SDC2: variants seen among roughly 807,000 people sequenced by gnomAD.
SDC2 encodes the protein syndecan 2, also known as syndecan-2.
In SDC2, 13 loss-of-function variants were observed where a neutral mutation model predicts 22.2. The observed-to-expected ratio is 0.59, with a 90% CI of 0.38 to 0.93. SDC2 has a LOEUF of 0.93. Ranked by LOEUF, SDC2 falls within the 40% of genes least tolerant of loss-of-function variation. The pLI, the probability that SDC2 is intolerant of heterozygous loss-of-function variation, is 0.00. For missense variants in SDC2, 235 were observed against 246.8 expected (o/e 0.95, Z 0.32); for synonymous variants, 94 against 92.8 (o/e 1.01, Z -0.07).
At chr8:96,571,999 T>C (rs1186677974) in intron 1 of SDC2, among the ~76,000 whole-genome samples, 1 of 151,962 alleles carries the variant, frequency 6.6e-6, no homozygotes, top group African/African-American at 2.4e-5. Context: ...TAGGGAAGGG[T>C]TGTTAGGAAG....
In SDC2 at chr8:96,494,262, C is replaced by T. The variant is rs1425918158; in HGVS notation, c.-10C>T. The T allele has an allele frequency of 5.2e-6, 8 of 1,544,204 alleles. No individual in the cohort carries two copies. Among genetic ancestry groups the T allele is most frequent in the East Asian group, 2.4e-5 (1 of 41,046 alleles). On this transcript the variant is annotated 5_prime_UTR_variant, in exon 1 of 5. Coordinates refer to ENST00000302190, the MANE Select transcript of SDC2 (RefSeq NM_002998.4). ...AAGCAGCGGCTGGGAGCAGCCGGTC[C>T]CTGGGGAATATGCGGCGCGCGTGGA...
chr8:96,514,134 G>T (rs1813368536), intron 1 of SDC2, among the ~76,000 whole-genome samples: 3 of 152,160 alleles, frequency 2.0e-5, no homozygotes, highest in African/African-American at 7.2e-5. Context: ...ATCTCTATTT[G>T]CCAAAGTTAG....
chr8:96,588,626 A>G (rs911594306), intron 1 of SDC2, among the ~76,000 whole-genome samples: 2 of 152,170 alleles, frequency 1.3e-5, no homozygotes, highest in Non-Finnish European at 2.9e-5. Flanking sequence ...GGCCACATGG[A>G]TATTTTATTT....
In SDC2 at chr8:96,608,474, A is replaced by G; in HGVS notation, c.442+4A>G. 6.2e-7 allele frequency: 1 copy of G among 1,609,306 alleles called. No homozygotes were observed. Among genetic ancestry groups the G allele is most frequent in the East Asian group, 2.2e-5 (1 of 44,776 alleles). On this transcript the variant is annotated splice_donor_region_variant and intron_variant, in intron 4 of 4. Coordinates refer to ENST00000302190, the MANE Select transcript of SDC2 (RefSeq NM_002998.4). ...AAACGGACAGAAGTCCTAGCAGGTG[A>G]GTAGCCTGGTGGGCCTCAGGTGGGA...
At chr8:96,519,662 T>G (rs1813463881) in intron 1 of SDC2, among the ~76,000 whole-genome samples, 1 of 152,142 alleles carries the variant, frequency 6.6e-6, no homozygotes, top group East Asian at 1.9e-4. Context: ...AAATTTTTTT[T>G]TTTCTTTTGA....
intron 1 of SDC2, among the ~76,000 whole-genome samples, chr8:96,572,192 C>T (rs1381428032): frequency 6.6e-6 from 1 of 152,178 alleles, no homozygotes; most frequent in African/African-American, 2.4e-5. Context: ...ACAGGAGGTG[C>T]TGCAGAATGA....
At chr8:96,602,899 G>A (rs554110632) in intron 3 of SDC2, among the ~76,000 whole-genome samples, 3 of 152,258 alleles carry the variant, frequency 2.0e-5, no homozygotes, top group South Asian at 2.1e-4. Context: ...TGTAGGTTAC[G>A]TAATTAGAAG....
intron 1 of SDC2, among the ~76,000 whole-genome samples, chr8:96,509,444 C>T (rs1172591500): frequency 7.0e-6 from 1 of 141,864 alleles, no homozygotes; most frequent in Non-Finnish European, 1.6e-5. Context: ...CGATTTTTTT[C>T]CTCTTCTTTT....
rs188049715 is a variant in SDC2, at chr8:96,606,409, C to T, written c.307-1926C>T. Among the ~76,000 whole-genome samples, 79 of 152,282 alleles carry T rather than the reference C, an allele frequency of 5.2e-4. 1 individual carries two copies. Among genetic ancestry groups the T allele is most frequent in the Admixed American group, 7.9e-4 (12 of 15,286 alleles). ...CAGTGTTTTCATCAGTGATGCTGGC[C>T]GACAAGAACTTCAGACTGTTAGAGA... On this transcript the variant is annotated intron_variant, in intron 3 of 4. Coordinates refer to ENST00000302190, the MANE Select transcript of SDC2 (RefSeq NM_002998.4).
intron 1 of SDC2, among the ~76,000 whole-genome samples, chr8:96,531,902 A>G (rs1439612733): frequency 6.6e-6 from 1 of 152,170 alleles, no homozygotes; most frequent in Non-Finnish European, 1.5e-5. Flanking sequence ...TGAACCACAA[A>G]ATTTATGTGC....
In SDC2 at chr8:96,608,318, CCT is replaced by C; in HGVS notation, c.307-16_307-15del. ...TTTCCTTAAATCAATGTAATCTTTC[CCT>C]GTTTCCCATACCAGTCACCTGAAGA... On this transcript the variant is annotated splice_polypyrimidine_tract_variant and intron_variant, in intron 3 of 4. Coordinates refer to ENST00000302190, the MANE Select transcript of SDC2 (RefSeq NM_002998.4). 6.2e-7 allele frequency: 1 copy of C among 1,606,282 alleles called. No homozygotes were observed. Among genetic ancestry groups the C allele is most frequent in the South Asian group, 1.1e-5 (1 of 89,258 alleles).
intron 1 of SDC2, among the ~76,000 whole-genome samples, chr8:96,548,358 G>A (rs1813970046): frequency 6.6e-6 from 1 of 152,156 alleles, no homozygotes; most frequent in African/African-American, 2.4e-5. Context: ...AACTTCTTGA[G>A]CACTGACATA....
chr8:96,533,070 T>C (rs2130490182), intron 1 of SDC2, among the ~76,000 whole-genome samples: 1 of 152,202 alleles, frequency 6.6e-6, no homozygotes, highest in East Asian at 1.9e-4. Context: ...TGTTTGGAGT[T>C]TTTTCCTTCT....
At chr8:96,583,715 GTGTATA>G (rs199901643) in intron 1 of SDC2, among the ~76,000 whole-genome samples, 19,744 of 140,206 alleles carry the variant, frequency 0.14, 1,514 homozygotes, top group South Asian at 0.28. Context: ...GTGTGTGTGT[GTGTATA>G]TATATATATG....
intron 4 of SDC2, 50 bp downstream of exon 4, chr8:96,608,520 G>C (rs1815122945): frequency 6.6e-7 from 1 of 1,516,094 alleles, no homozygotes; most frequent in Non-Finnish European, 9.0e-7. Context: ...ATAGGCCTCT[G>C]TTAGTCTAAG....
chr8:96,494,317 G>T lies in SDC2; in HGVS notation c.46G>T (p.Val16Leu). The stretch of plus-strand genomic sequence containing the variant: ...GCTCACCTTGGGCTTGGTGGCCTGC[G>T]TGTCGGCGGAGTCGGTGAGTGGGCC... ...ILLTLGLVAC[V>L]SAESRAELTS... Residue 16 changes from valine to leucine, a missense_variant, in exon 1 of 5, where the codon GTG becomes TTG. By Grantham distance (32) the Val-to-Leu change is conservative. Transcript: ENST00000302190. 6.5e-7 allele frequency: 1 copy of T among 1,544,458 alleles called. No homozygotes were observed. The highest frequency in any genetic ancestry group is 8.7e-7 in the Non-Finnish European group (1 of 1,149,098).
chr8:96,501,977 G>A (rs978870740), intron 1 of SDC2, among the ~76,000 whole-genome samples: 3 of 111,398 alleles, frequency 2.7e-5, no homozygotes, highest in African/African-American at 3.9e-5. Context: ...TGAACTGAGT[G>A]TTCATTGTTT....
rs776606235 is a variant in SDC2 at position 96,494,288 on chromosome 8, T to G, written c.17T>G (p.Ile6Ser). The part of the protein sequence containing the change: MRRAW[I>S]LLTLGLVACV... ...CTGGGGAATATGCGGCGCGCGTGGA[T>G]CCTGCTCACCTTGGGCTTGGTGGCC... Residue 6 changes from isoleucine (I) to serine (S), a missense_variant, in exon 1 of 5, where the codon ATC becomes AGC. Physicochemically the swap from Ile to Ser is moderately radical, Grantham distance 142. Transcript: ENST00000302190. 10 of 1,547,020 alleles carry G rather than the reference T, an allele frequency of 6.5e-6. No homozygotes were observed. The highest frequency in any genetic ancestry group is 7.0e-6 in the Non-Finnish European group (8 of 1,149,802).
intron 1 of SDC2, among the ~76,000 whole-genome samples, chr8:96,575,431 TTA>T (rs1225720847): frequency 6.6e-6 from 1 of 152,142 alleles, no homozygotes; most frequent in Admixed American, 6.5e-5. Context: ...GTTACTCTCT[TTA>T]TGTTTGTTTT....
Sources: gnomAD v4.1 joint callset for allele counts (sites outside exome capture counted in the v4.1 genomes callset) on GRCh38, gnomAD v4.1.1 for gene constraint, MANE v1.5 for transcripts, NCBI Gene and HGNC (gene_info 2026-07-23, HGNC 2026-07-21) for gene names.